SUGT1: variants seen among roughly 807,000 people sequenced by gnomAD.
The protein encoded by SUGT1 is protein SGT1 homolog.
In SUGT1, 15 loss-of-function variants were observed where a neutral mutation model predicts 56.1. That is an observed-to-expected ratio of 0.27 (90% CI 0.18 to 0.41). The LOEUF is 0.41. SUGT1 is among the 10% of genes least tolerant of loss of function. The pLI is 1.00. For missense variants in SUGT1, 347 were observed against 382.2 expected, an observed-to-expected ratio of 0.91 and a Z score of 0.77; for synonymous variants, 123 against 128.6, an observed-to-expected ratio of 0.96 and a Z score of 0.30.
At position 52,652,837 on chromosome 13, in the gene SUGT1, T is replaced by A; in HGVS notation, c.-84T>A. ...AGGACGGAAGCTCGGTTGGTGTTTC[T>A]CCAGAAGTTTCCCCCTTGGGCGGTG... On this transcript the variant is annotated 5_prime_UTR_variant, in exon 1 of 13. Coordinates refer to ENST00000310528, the MANE Select transcript of SUGT1 (RefSeq NM_006704.5). 1.9e-6 allele frequency: 3 copies of A among 1,556,468 alleles called. No homozygotes were observed. Among genetic ancestry groups the A allele is most frequent in the Non-Finnish European group, 2.6e-6 (3 of 1,148,426 alleles).
Position 52,680,053 on chromosome 13 carries a change from A to C in SUGT1, c.798A>C (p.Glu266Asp). Residue 266 changes from glutamate (E) to aspartate (D), a missense_variant, in exon 12 of 13, where the codon GAA (glutamate) becomes GAC (aspartate). Coordinates refer to ENST00000310528, the MANE Select transcript of SUGT1 (RefSeq NM_006704.5). ...DKLVGEIKEE[E>D]KNEKLEGDAA... ...TGGTTGGTGAGATCAAAGAAGAAGAAAAGAATGAAAAGTTGGAGGGAGATG... is the reference window on the plus strand; with the variant it reads ...TGGTTGGTGAGATCAAAGAAGAAGACAAGAATGAAAAGTTGGAGGGAGATG... 1 of 1,600,100 alleles carries C rather than the reference A, an allele frequency of 6.2e-7. No homozygotes were observed. Among genetic ancestry groups the C allele is most frequent in the Non-Finnish European group, 8.5e-7 (1 of 1,176,510 alleles).
At chr13:52,678,552 CAT>C (rs1295234783) in intron 11 of SUGT1, among the ~76,000 whole-genome samples, 2 of 152,046 alleles carry the variant, frequency 1.3e-5, no homozygotes, top group African/African-American at 2.4e-5. Context: ...CTGCTAGCCA[CAT>C]GTTACCTGTT....
chr13:52,667,813 A>G (rs953356144), intron 10 of SUGT1, among the ~76,000 whole-genome samples: 4 of 152,180 alleles, frequency 2.6e-5, no homozygotes, highest in East Asian at 1.9e-4. Flanking sequence ...TATTTAGTCT[A>G]GGCACAAAAT....
At chr13:52,656,803 G>C (rs1962186059) in intron 2 of SUGT1, among the ~76,000 whole-genome samples, 2 of 152,208 alleles carry the variant, frequency 1.3e-5, no homozygotes, top group Admixed American at 1.3e-4. Flanking sequence ...AGAGTTTGTA[G>C]GCAGTTGGCA....
chr13:52,678,324 T>C (rs1963231460), intron 11 of SUGT1, among the ~76,000 whole-genome samples: 1 of 152,128 alleles, frequency 6.6e-6, no homozygotes, highest in African/African-American at 2.4e-5. Flanking sequence ...TTGTTTTGTT[T>C]TGAGGAGGAA....
At position 52,694,183 on chromosome 13, in the gene SUGT1, T is replaced by C. The variant is rs1963858277; in HGVS notation, c.*6348T>C. The C allele has an allele frequency of 6.6e-6, 1 of 152,220 alleles. No individual in the cohort carries two copies. Among genetic ancestry groups the C allele is most frequent in the Non-Finnish European group, 1.5e-5 (1 of 68,048 alleles). The allele number at this position is 152,220 out of a possible 1,614,324, so 9.4% of individuals were successfully genotyped here. A position where few individuals can be genotyped will look rare whatever the true frequency, so the allele number is the denominator to read the frequency against. On this transcript the variant is annotated 3_prime_UTR_variant, in exon 13 of 13. Coordinates refer to ENST00000310528, the MANE Select transcript of SUGT1 (RefSeq NM_006704.5). ...AAAAACTCATCTGAGGGTTTTGGAA[T>C]TGTGTATCTATGTGTGTGAAGTGCA...
In SUGT1 at chr13:52,698,820, G is replaced by A. The variant is rs1432457262; in HGVS notation, c.*10985G>A. The A allele has an allele frequency of 1.3e-5, 2 of 152,178 alleles. No homozygotes were observed. The highest frequency in any genetic ancestry group is 6.5e-5 in the Admixed American group (1 of 15,268). The allele number at this position is 152,178 out of a possible 1,614,324, so 9.4% of individuals were successfully genotyped here. ...GCAGCTATTTTGTATGATATATAGG[G>A]TAGTGGTTCTTAAGCTTATTGGTGA... On this transcript the variant is annotated 3_prime_UTR_variant, in exon 13 of 13. Transcript: ENST00000310528.
intron 4 of SUGT1, 35 bp from the exon 5 acceptor site, chr13:52,659,144 G>T (rs1366413018): frequency 2.0e-6 from 3 of 1,484,824 alleles, no homozygotes; most frequent in Admixed American, 2.4e-5. Flanking sequence ...CAGATTTTTT[G>T]TGTGTCTTAA....
chr13:52,661,650 A>G (rs1456178116), intron 5 of SUGT1: 1 of 386,416 alleles, frequency 2.6e-6, no homozygotes, highest in Non-Finnish European at 5.1e-6. Flanking sequence ...CAGACAGGGT[A>G]AAGAATTGTT....
rs1317403886 is a variant in SUGT1, at chr13:52,663,131, T to G, written c.399+19T>G. 1 of 1,604,510 alleles carries G rather than the reference T, an allele frequency of 6.2e-7. No individual in the cohort carries two copies. Among genetic ancestry groups the G allele is most frequent in the Admixed American group, 1.7e-5 (1 of 58,810 alleles). On this transcript the variant is annotated intron_variant, in intron 7 of 12. Coordinates refer to ENST00000310528, the MANE Select transcript of SUGT1 (RefSeq NM_006704.5). ...TGAGGTGGTAAGTCCAAAGTTTTCA[T>G]TCTTCATGTTTTTATTATTTTAAAT...
chr13:52,673,798 T>G (rs1963033840), intron 10 of SUGT1, among the ~76,000 whole-genome samples: 1 of 152,256 alleles, frequency 6.6e-6, no homozygotes, highest in South Asian at 2.1e-4. Flanking sequence ...AGATGCAATT[T>G]TAATTTTTCA....
intron 9 of SUGT1, among the ~76,000 whole-genome samples, chr13:52,666,025 C>G (rs527618064): frequency 1.1e-4 from 17 of 152,122 alleles, no homozygotes; most frequent in Admixed American, 6.5e-5. Flanking sequence ...TGAAAAAGAT[C>G]TAGTTAGTTT....
intron 5 of SUGT1, 64 bp downstream of exon 5, chr13:52,659,313 T>TTCAGC: frequency 5.9e-6 from 6 of 1,018,892 alleles, no homozygotes; most frequent in Non-Finnish European, 8.2e-6. Context: ...CAAAGCTGAA[T>TTCAGC]TTTGGTAATG....
At position 52,694,387 on chromosome 13, in the gene SUGT1, G is replaced by A. The variant is rs1371079677; in HGVS notation, c.*6552G>A. ...TAATTTATAAAATTTGTACTTTGGAGAGCATAAGAATTCATGAAAAGTTTT... is the reference window on the plus strand; with the variant it reads ...TAATTTATAAAATTTGTACTTTGGAAAGCATAAGAATTCATGAAAAGTTTT... On this transcript the variant is annotated 3_prime_UTR_variant, in exon 13 of 13. Transcript: ENST00000310528. The A allele has an allele frequency of 6.6e-6, 1 of 152,200 alleles. No homozygotes were observed. Among genetic ancestry groups the A allele is most frequent in the African/African-American group, 2.4e-5 (1 of 41,450 alleles). The allele number at this position is 152,200 out of a possible 1,614,324, so 9.4% of individuals were successfully genotyped here.
chr13:52,667,111 A>G (rs1962738616), intron 10 of SUGT1, among the ~76,000 whole-genome samples, 192 bp downstream of exon 10: 2 of 152,318 alleles, frequency 1.3e-5, no homozygotes, highest in Admixed American at 6.5e-5. Context: ...AAGAATAAAA[A>G]TCCACTTAGA....
chr13:52,657,096 C>T (rs998075308), intron 2 of SUGT1, among the ~76,000 whole-genome samples: 4 of 152,152 alleles, frequency 2.6e-5, no homozygotes, highest in African/African-American at 9.7e-5. Flanking sequence ...TCTTAACCTC[C>T]CTGAGTGCTA....
At chr13:52,653,130 C>CA in intron 2 of SUGT1, 27 bp downstream of exon 2, 1 of 1,613,940 alleles carries the variant, frequency 6.2e-7, no homozygotes, top group Non-Finnish European at 8.5e-7. Context: ...CTGCTTCCTC[C>CA]ACTCTTCTTA....
chr13:52,654,720 C>G (rs1962076314), intron 2 of SUGT1, among the ~76,000 whole-genome samples: 1 of 152,228 alleles, frequency 6.6e-6, no homozygotes, highest in Admixed American at 6.5e-5. Context: ...ACTCTTTTTG[C>G]TTTAATGATT....
intron 2 of SUGT1, among the ~76,000 whole-genome samples, chr13:52,655,471 G>A (rs185112069): frequency 2.0e-5 from 3 of 152,340 alleles, no homozygotes; most frequent in South Asian, 2.1e-4. Flanking sequence ...AGTAGATAGC[G>A]AATTGGAGGA....
Sources: allele counts gnomAD v4.1 joint callset (sites outside exome capture counted in the v4.1 genomes callset), GRCh38; gene constraint gnomAD v4.1.1; transcripts MANE v1.5; gene names NCBI Gene and HGNC (gene_info 2026-07-23, HGNC 2026-07-21).